Variants in DMD observed in about 807,000 individuals in gnomAD.
DMD encodes the protein mutant dystrophin.
In DMD, 63 loss-of-function variants were observed where a neutral mutation model predicts 330.1. The observed-to-expected ratio is 0.19, with a 90% CI of 0.16 to 0.24. DMD has a LOEUF of 0.24. Among genes scored for constraint, DMD ranks in the 10% least tolerant of loss-of-function variants. DMD has a pLI of 1.00. For synonymous variants in DMD, 1,223 were observed against 959.8 expected, an observed-to-expected ratio of 1.27 and a Z score of -5.07; for missense variants, 3,344 against 2,684.1, an observed-to-expected ratio of 1.25 and a Z score of -5.43.
intron 1 of DMD, among the ~76,000 whole-genome samples, chrX:33,307,067 A>C (rs2053773973): frequency 8.9e-6 from 1 of 111,750 alleles, no homozygotes; most frequent in African/African-American, 3.3e-5. Context: ...CCAAGTATGT[A>C]TTGGAGCAGA....
rs889601581 is a variant in DMD, at chrX:32,274,887, C to T, written c.6290+12642G>A. On this transcript the variant is annotated intron_variant, in intron 43 of 78. Coordinates refer to ENST00000357033, the MANE Select transcript of DMD (RefSeq NM_004006.3). ...AATATACATTAAATACCTCATGACA[C>T]CAACTATATGGGGTTAATCTTTTGC... Among the ~76,000 whole-genome samples the T allele has an allele frequency of 2.7e-5, 3 of 111,968 alleles. No individual in the cohort carries two copies. The Admixed American group carries it at 2.8e-4, about 11-fold the overall frequency.
chrX:31,640,120 A>T (rs930339574), intron 54 of DMD, among the ~76,000 whole-genome samples: 3 of 111,697 alleles, frequency 2.7e-5, no homozygotes, highest in African/African-American at 9.8e-5. Flanking sequence ...AACCTGAATT[A>T]AAAACAGCCA....
At chrX:33,147,477 T>C (rs1282290346) in intron 1 of DMD, among the ~76,000 whole-genome samples, 2 of 112,424 alleles carry the variant, frequency 1.8e-5, no homozygotes, top group Non-Finnish European at 3.8e-5. Context: ...GAATACATTT[T>C]ACTGGGCTAG....
intron 11 of DMD, among the ~76,000 whole-genome samples, chrX:32,619,943 C>T (rs773407714): frequency 9.0e-6 from 1 of 111,111 alleles, no homozygotes; most frequent in African/African-American, 3.3e-5. Flanking sequence ...CAATTCCAGC[C>T]ACTCCACAGT....
intron 2 of DMD, among the ~76,000 whole-genome samples, chrX:32,985,882 A>G (rs1233999431): frequency 8.9e-6 from 1 of 111,895 alleles, no homozygotes; most frequent in African/African-American, 3.2e-5. Flanking sequence ...TTGTCCCCCA[A>G]AGGCATCGTG....
At chrX:32,554,604 T>C (rs184842316) in intron 16 of DMD, among the ~76,000 whole-genome samples, 3 of 108,745 alleles carry the variant, frequency 2.8e-5, no homozygotes, top group South Asian at 8.2e-4. Flanking sequence ...AATAATGCGT[T>C]CTGAAATTGA....
At chrX:31,707,872 G>T (rs1196017912) in intron 52 of DMD, among the ~76,000 whole-genome samples, 1 of 109,806 alleles carries the variant, frequency 9.1e-6, no homozygotes, top group African/African-American at 3.3e-5. Flanking sequence ...GGAAGGAAAA[G>T]TAAAGAAATA....
intron 13 of DMD, among the ~76,000 whole-genome samples, chrX:32,583,431 G>A (rs1474694741): frequency 4.5e-5 from 5 of 111,350 alleles, no homozygotes; most frequent in Non-Finnish European, 9.4e-5. Flanking sequence ...CCAGGGAGGC[G>A]GATGTTGCAT....
Position 32,823,326 on chromosome X carries a change from C to G in DMD, c.326G>C (p.Gly109Ala), listed in dbSNP as rs1048652498. Residue 109 changes from glycine (G) to alanine (A), a missense_variant, in exon 5 of 79, where the codon GGT (glycine) becomes GCT (alanine). Physicochemically the swap from Gly to Ala is moderately conservative, Grantham distance 60. Transcript: ENST00000357033. ...GTGGAGGATTATATTCCAAATCAAA[C>G]CAAGAGTCAGTTTATGATTTCCATC... ...IVDGNHKLTL[G>A]LIWNIILHWQ... 23 of 1,207,664 alleles carry G rather than the reference C, an allele frequency of 1.9e-5. No homozygotes were observed. The highest frequency in any genetic ancestry group is 2.6e-5 in the Non-Finnish European group (23 of 893,534).
At chrX:31,747,969 G>C (rs984405086) in intron 51 of DMD, among the ~76,000 whole-genome samples, 1 of 111,923 alleles carries the variant, frequency 8.9e-6, no homozygotes, top group African/African-American at 3.2e-5. Flanking sequence ...TGTATAAGGT[G>C]AGCAAAATTG....
rs141776656 is a variant in DMD at position 31,202,837 on chromosome X, G to A, written c.9807+1124C>T. Among the ~76,000 whole-genome samples the A allele has an allele frequency of 1.4e-3, 162 of 112,169 alleles. 2 individuals carry two copies. The highest frequency in any genetic ancestry group is 4.9e-3 in the African/African-American group (150 of 30,852). On this transcript the variant is annotated intron_variant, in intron 67 of 78. Transcript: ENST00000357033. ...ATCTTACTCCTTCAATACTGATAGC[G>A]TTACAATTAGAACAACTTTTGAAGA...
chrX:32,044,394 C>A (rs944012621), intron 44 of DMD, among the ~76,000 whole-genome samples: 1 of 108,322 alleles, frequency 9.2e-6, no homozygotes. Context: ...TACACATATC[C>A]TTTTATCGTT....
intron 44 of DMD, among the ~76,000 whole-genome samples, chrX:32,171,986 CAACTT>C (rs1201152707): frequency 9.0e-6 from 1 of 111,547 alleles, no homozygotes; most frequent in African/African-American, 3.2e-5. Flanking sequence ...AGATAAAGGA[CAACTT>C]AATAAATCTA....
At chrX:32,854,849 C>A (rs906015139) in intron 2 of DMD, among the ~76,000 whole-genome samples, 4 of 111,632 alleles carry the variant, frequency 3.6e-5, no homozygotes, top group Admixed American at 2.9e-4. Context: ...CAATATTAGC[C>A]TGACACGAAA....
chrX:33,304,648 A>G (rs2053724057), intron 1 of DMD, among the ~76,000 whole-genome samples: 1 of 105,220 alleles, frequency 9.5e-6, no homozygotes, highest in Non-Finnish European at 2.0e-5. Context: ...AATGGGAGAA[A>G]ATTTTCGCAA....
chrX:32,382,284 C>G (rs2097929365), intron 33 of DMD, among the ~76,000 whole-genome samples: 1 of 111,531 alleles, frequency 9.0e-6, no homozygotes, highest in African/African-American at 3.2e-5. Context: ...ACCACCACCA[C>G]AAGTGCGTTA....
intron 7 of DMD, among the ~76,000 whole-genome samples, chrX:32,740,904 T>C (rs2069170925): frequency 8.9e-6 from 1 of 111,780 alleles, no homozygotes; most frequent in Non-Finnish European, 1.9e-5. Context: ...TATATACTCA[T>C]GGATTCAAAT....
At chrX:31,801,241 G>A (rs780296727) in intron 50 of DMD, among the ~76,000 whole-genome samples, 1 of 111,658 alleles carries the variant, frequency 9.0e-6, no homozygotes, top group East Asian at 2.8e-4. Flanking sequence ...AGGGTGATAG[G>A]AGAGAGAATG....
At position 31,121,643 on chromosome X, in the gene DMD, T is replaced by C; in HGVS notation, c.*276A>G. On this transcript the variant is annotated 3_prime_UTR_variant, in exon 79 of 79. Transcript: ENST00000357033. ...GTTTTCTTATAACTTTTTTGTACAATTGCATAGACGTGTAAAACCTGCCAT... is the reference window on the plus strand; with the variant it reads ...GTTTTCTTATAACTTTTTTGTACAACTGCATAGACGTGTAAAACCTGCCAT... The C allele has an allele frequency of 2.6e-6, 1 of 388,472 alleles. No homozygotes were observed. Among genetic ancestry groups the C allele is most frequent in the Non-Finnish European group, 4.4e-6 (1 of 224,748 alleles). The allele number at this position is 388,472 out of a possible 1,213,427, so 32.0% of individuals were successfully genotyped here.
Sources: gnomAD v4.1 joint callset for allele counts (sites outside exome capture counted in the v4.1 genomes callset) on GRCh38, gnomAD v4.1.1 for gene constraint, MANE v1.5 for transcripts, NCBI Gene and HGNC (gene_info 2026-07-23, HGNC 2026-07-21) for gene names.